ACSF2: variants seen among roughly 807,000 people sequenced by gnomAD.
ACSF2 encodes acyl-CoA synthetase family member 2, also known as medium-chain acyl-CoA ligase ACSF2, mitochondrial.
A neutral mutation model predicts 79.3 loss-of-function variants in ACSF2; 52 were observed. The ratio of observed to expected loss-of-function variants is 0.66; its 90% CI spans 0.53 to 0.83. The LOEUF (loss-of-function observed/expected upper bound fraction) is 0.83. ACSF2 is among the 40% of genes least tolerant of loss of function. ACSF2 has a pLI of 0.00. For missense variants in ACSF2, 661 were observed against 803.3 expected, an observed-to-expected ratio of 0.82 and a Z score of 2.14; for synonymous variants, 283 against 312.6, an observed-to-expected ratio of 0.91 and a Z score of 1.00.
intron 12 of ACSF2, 163 bp from the exon 13 acceptor site, chr17:50,473,502 C>T (rs1750801782): frequency 1.1e-6 from 1 of 932,884 alleles, no homozygotes; most frequent in Non-Finnish European, 1.6e-6. Context: ...CCTCCCCTTA[C>T]TGGACTATTA....
intron 10 of ACSF2, among the ~76,000 whole-genome samples, chr17:50,469,382 T>C (rs1215074847): frequency 6.6e-6 from 1 of 152,164 alleles, no homozygotes; most frequent in African/African-American, 2.4e-5. Flanking sequence ...GGGGCGCTTG[T>C]GCGGCGCCTG....
At chr17:50,467,786 G>C (rs1362679601) in intron 10 of ACSF2, 1 of 412,688 alleles carries the variant, frequency 2.4e-6, no homozygotes, top group East Asian at 3.8e-5. Context: ...GGGGCCTTTT[G>C]TGGGGCCAGG....
In ACSF2 at chr17:50,462,167, G is replaced by T. The variant is rs2032380808; in HGVS notation, c.508-17G>T. On this transcript the variant is annotated splice_polypyrimidine_tract_variant and intron_variant, in intron 4 of 15. Transcript: ENST00000300441. ...GGGCTCCCCGCTGACTGGAGGTGGG[G>T]GACTCCCCTTCCACAGGTGGGCTGC... 1.2e-6 allele frequency: 2 copies of T among 1,611,498 alleles called. No homozygotes were observed. Among genetic ancestry groups the T allele is most frequent in the East Asian group, 4.5e-5 (2 of 44,850 alleles).
intron 1 of ACSF2, among the ~76,000 whole-genome samples, chr17:50,442,896 A>G (rs909051080): frequency 6.7e-6 from 1 of 148,784 alleles, no homozygotes; most frequent in African/African-American, 2.5e-5. Flanking sequence ...ACCTTTAGGC[A>G]TTTTTTAGGT....
rs1028867975 is a variant in ACSF2, at chr17:50,462,813, T to A, written c.792+228T>A. Reference sequence around the variant, plus strand: ...TCCAGCCCTCTTGTTCCCGGTGCAGTGGCAGATTCACTGAACCAACACAGG... The same window carrying A: ...TCCAGCCCTCTTGTTCCCGGTGCAGAGGCAGATTCACTGAACCAACACAGG... On this transcript the variant is annotated intron_variant, in intron 6 of 15. Coordinates refer to ENST00000300441, the MANE Select transcript of ACSF2 (RefSeq NM_025149.6). The A allele has an allele frequency of 5.0e-6, 3 of 603,658 alleles. No homozygotes were observed. The African/African-American group carries it at 5.6e-5, about 11-fold the overall frequency. The allele number at this position is 603,658 out of a possible 1,614,324, so 37.4% of individuals were successfully genotyped here. A position where few individuals can be genotyped will look rare whatever the true frequency, so the allele number is the denominator to read the frequency against.
At chr17:50,462,917 T>C (rs973214585) in intron 6 of ACSF2, 11 of 584,740 alleles carry the variant, frequency 1.9e-5, no homozygotes, top group African/African-American at 1.9e-4. Flanking sequence ...CCAAGCCAGC[T>C]TGTGGGTGGC....
At position 50,472,448 on chromosome 17, in the gene ACSF2, G is replaced by C; in HGVS notation, c.1344G>C (p.Glu448Asp). ...PHTEARIMNMEAGTLAKLNTP... is the reference protein window; with the variant it reads ...PHTEARIMNMDAGTLAKLNTP... ...CCCAGGCCCGGATCATGAACATGGA[G>C]GCAGGGACGCTGGCAAAGCTGAACA... Residue 448 changes from glutamate (E) to aspartate (D), a missense_variant, in exon 12 of 16, where the codon GAG (glutamate) becomes GAC (aspartate). Glu to Asp is a conservative substitution (Grantham distance 45). Transcript: ENST00000300441. The C allele has an allele frequency of 6.2e-7, 1 of 1,612,546 alleles. No individual in the cohort carries two copies. Among genetic ancestry groups the C allele is most frequent in the Non-Finnish European group, 8.5e-7 (1 of 1,179,294 alleles).
chr17:50,474,212 A>G lies in ACSF2; in HGVS notation c.1742A>G (p.Lys581Arg), dbSNP rs980272569. The change falls in exon 15 of 16, where the codon AAG becomes AGG. Residue 581 changes from lysine (K) to arginine (R), a missense_variant. By Grantham distance (26) the Lys-to-Arg change is conservative (BLOSUM62 2). Transcript: ENST00000300441. This position sits in a 1 kb window ranked among gnomAD's most constrained non-coding sequence, Gnocchi z 4.2. ...AFCKGKISHF[K>R]IPKYIVFVTN... ...TCTGGTCTGCAGATCTCTCACTTCA[A>G]GATTCCGAAGTACATCGTGTTTGTC... The G allele has an allele frequency of 1.2e-6, 2 of 1,614,176 alleles. No homozygotes were observed. Among genetic ancestry groups the G allele is most frequent in the Admixed American group, 1.7e-5 (1 of 60,026 alleles).
chr17:50,469,059 G>T (rs556246416), intron 10 of ACSF2: 30 of 1,297,026 alleles, frequency 2.3e-5, no homozygotes, highest in Non-Finnish European at 2.7e-5. Context: ...CCGTGCATGA[G>T]GGGGTGGGAC....
At chr17:50,457,302 C>T (rs2032073183) in intron 1 of ACSF2, among the ~76,000 whole-genome samples, 1 of 152,168 alleles carries the variant, frequency 6.6e-6, no homozygotes, top group African/African-American at 2.4e-5. Context: ...CTAGGCAGTC[C>T]CTGGTGGAAT....
chr17:50,426,357 G>A lies in ACSF2; in HGVS notation c.96G>A (p.Gln32=). Residue 32 remains glutamine, a synonymous_variant, in exon 1 of 16, where the codon CAG becomes CAA. Transcript: ENST00000300441. ...GGGCCGCCCTCTCTCGGAGTTGGCAGGAAGCCAGGTTGCAGGGTGTCCGCT... is the reference window on the plus strand; with the variant it reads ...GGGCCGCCCTCTCTCGGAGTTGGCAAGAAGCCAGGTTGCAGGGTGTCCGCT... ...GARAALSRSW[Q]EARLQGVRFL... 1.4e-6 allele frequency: 2 copies of A among 1,422,306 alleles called. No individual in the cohort carries two copies. The highest frequency in any genetic ancestry group is 9.2e-7 in the Non-Finnish European group (1 of 1,081,308). 88.1% of individuals were successfully genotyped at this position (1,422,306 alleles called of 1,614,324 possible). A position where few individuals can be genotyped will look rare whatever the true frequency, so the allele number is the denominator to read the frequency against.
At chr17:50,458,753 C>T (rs145452063) in intron 1 of ACSF2, among the ~76,000 whole-genome samples, 2 of 152,164 alleles carry the variant, frequency 1.3e-5, no homozygotes, top group East Asian at 1.9e-4. Flanking sequence ...CTAAGTACTC[C>T]GTAGGGCTGA....
chr17:50,426,486 G>A (rs982851805), intron 1 of ACSF2, 97 bp downstream of exon 1: 45 of 1,257,066 alleles, frequency 3.6e-5, no homozygotes, highest in South Asian at 1.8e-4. Context: ...CTCTGGACGA[G>A]TGCACTGGGG....
At chr17:50,429,290 T>C (rs1353615853) in intron 1 of ACSF2, among the ~76,000 whole-genome samples, 1 of 152,200 alleles carries the variant, frequency 6.6e-6, no homozygotes, top group Non-Finnish European at 1.5e-5. Flanking sequence ...GCCTTTCCTT[T>C]GAGGCAGGGC....
At chr17:50,434,550 G>A (rs191737508) in intron 1 of ACSF2, among the ~76,000 whole-genome samples, 172 of 152,078 alleles carry the variant, frequency 1.1e-3, no homozygotes, top group African/African-American at 3.9e-3. Context: ...GCTGGGCATG[G>A]TGGCATGCAC....
rs2033234917 is a variant in ACSF2 at position 50,474,011 on chromosome 17, G to A, written c.1728+7G>A. Reference sequence around the variant, plus strand: ...AGCTTTCTGCAAAGGGAAGGTGGGAGCCTCCGCTCAACCTAGCTGATGCTG... The same window carrying A: ...AGCTTTCTGCAAAGGGAAGGTGGGAACCTCCGCTCAACCTAGCTGATGCTG... On this transcript the variant is annotated splice_region_variant and intron_variant, in intron 14 of 15. Transcript: ENST00000300441. This position sits in a 1 kb window ranked among gnomAD's most constrained non-coding sequence, Gnocchi z 4.2. 6.6e-7 allele frequency: 1 copy of A among 1,516,844 alleles called. No homozygotes were observed. Among genetic ancestry groups the A allele is most frequent in the South Asian group, 1.3e-5 (1 of 76,232 alleles). 94.0% of individuals were successfully genotyped at this position (1,516,844 alleles called of 1,614,324 possible).
chr17:50,447,454 A>T (rs911451540), intron 1 of ACSF2, among the ~76,000 whole-genome samples: 7 of 151,906 alleles, frequency 4.6e-5, no homozygotes, highest in African/African-American at 1.5e-4. Flanking sequence ...GGACAGGAGG[A>T]TCTCTTGAGC....
chr17:50,468,659 T>G lies in ACSF2; in HGVS notation c.1216-2369T>G. The G allele has an allele frequency of 1.2e-6, 2 of 1,614,200 alleles. No individual in the cohort carries two copies. Among genetic ancestry groups the G allele is most frequent in the Non-Finnish European group, 8.5e-7 (1 of 1,180,046 alleles). On this transcript the variant is annotated intron_variant, in intron 10 of 15. Transcript: ENST00000300441. The stretch of plus-strand genomic sequence containing the variant: ...GCGCTGTAGGTTGAGCAGCTTGGTC[T>G]TCTCTGACACCTTGGGGATCTTCTG...
chr17:50,466,835 G>A (rs1471927134), intron 10 of ACSF2, among the ~76,000 whole-genome samples: 1 of 152,178 alleles, frequency 6.6e-6, no homozygotes, highest in South Asian at 2.1e-4. Context: ...CCCCTAATTC[G>A]CTGCTCTGCT....
Sources: allele counts gnomAD v4.1 joint callset (sites outside exome capture counted in the v4.1 genomes callset), GRCh38; gene constraint gnomAD v4.1.1; non-coding constraint Gnocchi (gnomAD v3.1); transcripts MANE v1.5; gene names NCBI Gene and HGNC (gene_info 2026-07-23, HGNC 2026-07-21).